The following ATP2B2 variants were observed in gnomAD, a reference collection of about 807,000 sequenced individuals.
ATP2B2 encodes the protein ATPase plasma membrane Ca2+ transporting 2.
A neutral mutation model predicts 120.0 loss-of-function variants in ATP2B2; 15 were observed. That is an observed-to-expected ratio of 0.12 (90% CI 0.08 to 0.19). ATP2B2 has a LOEUF of 0.19. Ranked by LOEUF, ATP2B2 falls within the 10% of genes least tolerant of loss-of-function variation. The pLI is 1.00. For synonymous variants in ATP2B2, 694 were observed against 700.3 expected (o/e 0.99, Z 0.14); for missense variants, 1,045 against 1,719.8 (o/e 0.61, Z 6.94).
chr3:10,453,179 C>T lies in ATP2B2; in HGVS notation c.-319-3317G>A, dbSNP rs145932945. Reference sequence around the variant, plus strand: ...CACTCATTCTGAGTTCAAATTCTGGCTCCTTCATCTCCCAGCTGAATGGGA... The same window carrying T: ...CACTCATTCTGAGTTCAAATTCTGGTTCCTTCATCTCCCAGCTGAATGGGA... On this transcript the variant is annotated intron_variant, in intron 1 of 22. Transcript: ENST00000360273. Among the ~76,000 whole-genome samples, 413 of 152,330 alleles carry T rather than the reference C, an allele frequency of 2.7e-3. 3 individuals are homozygous for T. The highest frequency in any genetic ancestry group is 9.3e-3 in the African/African-American group (387 of 41,560).
intron 22 of ATP2B2, chr3:10,330,223 G>A (rs2059940760): frequency 1.3e-5 from 2 of 154,702 alleles, no homozygotes; most frequent in African/African-American, 4.8e-5. Flanking sequence ...AGAATGGGAG[G>A]AGGCTGGTCA....
intron 1 of ATP2B2, among the ~76,000 whole-genome samples, chr3:10,467,447 C>A (rs1279115628): frequency 6.6e-6 from 1 of 152,184 alleles, no homozygotes; most frequent in Admixed American, 6.5e-5. Flanking sequence ...CTCCATGGGG[C>A]TTGACCGCTC....
At chr3:10,671,841 G>A (rs2071105430) in intron 1 of ATP2B2, among the ~76,000 whole-genome samples, 1 of 152,158 alleles carries the variant, frequency 6.6e-6, no homozygotes, top group South Asian at 2.1e-4. Flanking sequence ...CAAAGACACT[G>A]GTGGCCTCGG....
intron 1 of ATP2B2, among the ~76,000 whole-genome samples, 153 bp downstream of exon 1, chr3:10,505,312 A>AC (rs556251638): frequency 9.2e-4 from 135 of 147,340 alleles, no homozygotes; most frequent in African/African-American, 3.3e-3. Context: ...CCCTGCTCCC[A>AC]CCCCCCCTCC....
In ATP2B2 at chr3:10,492,413, G is replaced by A. The variant is rs147382235; in HGVS notation, c.-320+13052C>T. Among the ~76,000 whole-genome samples the A allele has an allele frequency of 3.4e-3, 515 of 152,258 alleles. 9 individuals are homozygous for A. Among genetic ancestry groups the A allele is most frequent in the Admixed American group, 0.03 (462 of 15,298 alleles). On this transcript the variant is annotated intron_variant, in intron 1 of 22. Transcript: ENST00000360273. ...TACACAGTGGAGCCACAAACAATGCGACAAAGCCGAAATTTCCAAAGAACG... is the reference window on the plus strand; with the variant it reads ...TACACAGTGGAGCCACAAACAATGCAACAAAGCCGAAATTTCCAAAGAACG...
chr3:10,594,751 C>T (rs1056630634), intron 2 of ATP2B2, among the ~76,000 whole-genome samples: 2 of 142,826 alleles, frequency 1.4e-5, no homozygotes, highest in African/African-American at 2.6e-5. Flanking sequence ...AAAAGAAACA[C>T]GTCTATTTAA....
intron 2 of ATP2B2, among the ~76,000 whole-genome samples, chr3:10,430,471 TGGAGGA>T: frequency 6.6e-6 from 1 of 152,310 alleles, no homozygotes; most frequent in Non-Finnish European, 1.5e-5. Context: ...AAGACTTCAG[TGGAGGA>T]GGTCACTGCA....
intron 1 of ATP2B2, 76 bp from the exon 2 acceptor site, chr3:10,449,938 C>T (rs1323211543): frequency 1.7e-5 from 6 of 351,238 alleles, no homozygotes; most frequent in Non-Finnish European, 1.7e-5. Flanking sequence ...AGGAAGGCCC[C>T]AGGCACACGC....
intron 5 of ATP2B2, among the ~76,000 whole-genome samples, chr3:10,396,222 GGTTT>G (rs2062031204): frequency 6.6e-6 from 1 of 152,360 alleles, no homozygotes; most frequent in Admixed American, 6.5e-5. Flanking sequence ...ACAACCGCAG[GGTTT>G]GTTTGCAAAG....
intron 1 of ATP2B2, among the ~76,000 whole-genome samples, chr3:10,640,840 C>T (rs2070151445): frequency 6.6e-6 from 1 of 152,142 alleles, no homozygotes; most frequent in East Asian, 1.9e-4. Flanking sequence ...GAAAGGAAGG[C>T]CAGATCATAG....
chr3:10,507,362 G>T (rs917533945), upstream of ATP2B2, among the ~76,000 whole-genome samples: 1 of 152,066 alleles, frequency 6.6e-6, no homozygotes, highest in African/African-American at 2.4e-5. Context: ...GATTCCACTG[G>T]CCACCCCTCT....
intron 1 of ATP2B2, among the ~76,000 whole-genome samples, chr3:10,705,092 T>C (rs2071876311): frequency 6.6e-6 from 1 of 152,214 alleles, no homozygotes. Context: ...CCATGACCTT[T>C]CAGGCAGTCC....
At position 10,430,935 on chromosome 3, in the gene ATP2B2, G is replaced by C. The variant is rs76338165; in HGVS notation, c.199+18410C>G. On this transcript the variant is annotated intron_variant, in intron 2 of 22. Coordinates refer to ENST00000360273, the MANE Select transcript of ATP2B2 (RefSeq NM_001001331.4). The stretch of plus-strand genomic sequence containing the variant: ...GCTCCAGGTTCTAACAGAGTAGGGG[G>C]TGCTATTTCTGATACTGAGATCTCT... Among the ~76,000 whole-genome samples the C allele has an allele frequency of 2.0e-5, 3 of 151,686 alleles. No homozygotes were observed. In the East Asian group the frequency reaches 5.9e-4, roughly 30 times the overall value.
intron 10 of ATP2B2, among the ~76,000 whole-genome samples, chr3:10,377,129 C>T (rs751498694): frequency 3.9e-5 from 6 of 152,172 alleles, no homozygotes; most frequent in Non-Finnish European, 8.8e-5. Flanking sequence ...GGAGTGAGGA[C>T]TTTGAAGGCC....
chr3:10,623,367 G>A (rs2069605164), intron 1 of ATP2B2, among the ~76,000 whole-genome samples: 1 of 152,164 alleles, frequency 6.6e-6, no homozygotes, highest in Non-Finnish European at 1.5e-5. Context: ...TGGTGACTGA[G>A]TTCTTGATCA....
chr3:10,446,237 C>G (rs942897113), intron 2 of ATP2B2, among the ~76,000 whole-genome samples: 1 of 152,254 alleles, frequency 6.6e-6, no homozygotes. Context: ...TTCCGGAGAA[C>G]GTGCCCACTT....
chr3:10,367,566 A>G (rs371070208), intron 12 of ATP2B2, among the ~76,000 whole-genome samples: 1 of 152,172 alleles, frequency 6.6e-6, no homozygotes, highest in South Asian at 2.1e-4. Context: ...AGTACTGTGC[A>G]GGGTGCTGTA....
intron 1 of ATP2B2, among the ~76,000 whole-genome samples, chr3:10,706,696 A>T (rs2071901520): frequency 6.6e-6 from 1 of 152,182 alleles, no homozygotes; most frequent in Non-Finnish European, 1.5e-5. Context: ...TACACTAAGC[A>T]TGGGCATAAC....
chr3:10,501,459 C>A (rs761937160), intron 1 of ATP2B2, among the ~76,000 whole-genome samples: 61 of 151,754 alleles, frequency 4.0e-4, no homozygotes, highest in Non-Finnish European at 6.9e-4. Flanking sequence ...CAGCCTTGAC[C>A]TCCCGGACTC....
Sources: gnomAD v4.1 joint callset for allele counts (sites outside exome capture counted in the v4.1 genomes callset) on GRCh38, gnomAD v4.1.1 for gene constraint, MANE v1.5 for transcripts, NCBI Gene and HGNC (gene_info 2026-07-23, HGNC 2026-07-21) for gene names.